Variants in ZFYVE9 observed in about 807,000 individuals in gnomAD.
ZFYVE9 encodes zinc finger FYVE domain-containing protein 9.
Under a neutral mutation model 126.7 loss-of-function variants are expected in ZFYVE9, and 43 were observed. That is an observed-to-expected ratio of 0.34 (90% CI 0.27 to 0.44). ZFYVE9 has a LOEUF of 0.44. ZFYVE9 is among the 20% of genes least tolerant of loss of function. ZFYVE9 has a pLI of 1.00. For synonymous variants in ZFYVE9, 521 were observed against 597.4 expected (o/e 0.87, Z 1.87); for missense variants, 1,476 against 1,697.0 (o/e 0.87, Z 2.29).
chr1:52,186,516 A>C (rs187564429), intron 1 of ZFYVE9, among the ~76,000 whole-genome samples: 1 of 152,266 alleles, frequency 6.6e-6, no homozygotes, highest in Non-Finnish European at 1.5e-5. Flanking sequence ...GGAAGAAAAG[A>C]AGTAAAACTA....
chr1:52,263,249 CGTTT>C (rs1020800694), intron 4 of ZFYVE9, among the ~76,000 whole-genome samples: 6 of 152,020 alleles, frequency 3.9e-5, no homozygotes, highest in Non-Finnish European at 5.9e-5. Context: ...TAAAGCAGTG[CGTTT>C]GTTTATGATT....
intron 18 of ZFYVE9, 47 bp downstream of exon 18, chr1:52,344,991 CTG>C (rs1646471409): frequency 6.3e-7 from 1 of 1,598,656 alleles, no homozygotes; most frequent in Non-Finnish European, 8.6e-7. Flanking sequence ...TGGGCAACGT[CTG>C]TATTTCTGAC....
chr1:52,325,302 T>G (rs1332815377), intron 13 of ZFYVE9, among the ~76,000 whole-genome samples: 1 of 152,128 alleles, frequency 6.6e-6, no homozygotes, highest in Non-Finnish European at 1.5e-5. Flanking sequence ...CACTCTAGCC[T>G]GGGCGACAGA....
At position 52,319,399 on chromosome 1, in the gene ZFYVE9, C is replaced by T. The variant is rs143105102; in HGVS notation, c.3439-13369C>T. Among the ~76,000 whole-genome samples the T allele has an allele frequency of 2.0e-5, 3 of 152,038 alleles. No homozygotes were observed. The East Asian group carries it at 5.8e-4, about 29-fold the overall frequency. On this transcript the variant is annotated intron_variant, in intron 13 of 18. Coordinates refer to ENST00000287727, the MANE Select transcript of ZFYVE9 (RefSeq NM_004799.4). The stretch of plus-strand genomic sequence containing the variant: ...TAACACTTTGGGAGCCCGATGTGGG[C>T]GGATCACATGAGGTCAGGAGTTTGA...
chr1:52,225,665 G>T (rs1160815963), intron 2 of ZFYVE9, among the ~76,000 whole-genome samples: 1 of 152,164 alleles, frequency 6.6e-6, no homozygotes, highest in Non-Finnish European at 1.5e-5. Context: ...AAACAGTTAG[G>T]CTTAACAGAA....
chr1:52,286,666 G>A (rs1645864116), intron 10 of ZFYVE9, among the ~76,000 whole-genome samples: 1 of 152,154 alleles, frequency 6.6e-6, no homozygotes, highest in Non-Finnish European at 1.5e-5. Context: ...AGACTTGAAT[G>A]AAATTGGACT....
At chr1:52,208,962 A>C (rs993151826) in intron 1 of ZFYVE9, among the ~76,000 whole-genome samples, 1 of 152,262 alleles carries the variant, frequency 6.6e-6, no homozygotes, top group African/African-American at 2.4e-5. Context: ...AAGTTCTTCG[A>C]AAGTAAATCC....
At chr1:52,273,344 G>A (rs1299443506) in intron 7 of ZFYVE9, among the ~76,000 whole-genome samples, 1 of 152,076 alleles carries the variant, frequency 6.6e-6, no homozygotes, top group African/African-American at 2.4e-5. Context: ...TCATGTTTAA[G>A]TTATAGAGAA....
At chr1:52,178,512 G>A (rs1255861853) in intron 1 of ZFYVE9, among the ~76,000 whole-genome samples, 1 of 151,732 alleles carries the variant, frequency 6.6e-6, no homozygotes, top group African/African-American at 2.4e-5. Flanking sequence ...TGTATTTTTA[G>A]TAGAGACAGG....
At chr1:52,176,068 C>G (rs1644625054) in intron 1 of ZFYVE9, among the ~76,000 whole-genome samples, 7 of 152,234 alleles carry the variant, frequency 4.6e-5, no homozygotes, top group Admixed American at 3.3e-4. Context: ...GGAGGAGAGA[C>G]ACGCTGCTTT....
chr1:52,268,707 T>C lies in ZFYVE9; in HGVS notation c.2625+75T>C, dbSNP rs907672447. 4 of 1,520,030 alleles carry C rather than the reference T, an allele frequency of 2.6e-6. No homozygotes were observed. The African/African-American group carries it at 5.5e-5, about 21-fold the overall frequency. The allele number at this position is 1,520,030 out of a possible 1,614,324, so 94.2% of individuals were successfully genotyped here. A position where few individuals can be genotyped will look rare whatever the true frequency, so the allele number is the denominator to read the frequency against. On this transcript the variant is annotated intron_variant, in intron 7 of 18. Coordinates refer to ENST00000287727, the MANE Select transcript of ZFYVE9 (RefSeq NM_004799.4). ...TTGTGCTGCCTCTGTTGAATTACTT[T>C]TGTGTGGAACTCTGTAGGTTTTGGA... is the stretch of plus-strand genomic sequence containing the variant.
intron 2 of ZFYVE9, among the ~76,000 whole-genome samples, chr1:52,225,069 C>T (rs1219651560): frequency 2.0e-5 from 3 of 152,176 alleles, no homozygotes; most frequent in Non-Finnish European, 2.9e-5. Flanking sequence ...CACCCAATGG[C>T]GTGTCTCACT....
At chr1:52,287,431 G>A (rs1474891645) in intron 10 of ZFYVE9, among the ~76,000 whole-genome samples, 1 of 152,072 alleles carries the variant, frequency 6.6e-6, no homozygotes, top group Non-Finnish European at 1.5e-5. Context: ...TTAAGAAAGT[G>A]TTTGGTGTTG....
intron 1 of ZFYVE9, among the ~76,000 whole-genome samples, chr1:52,197,228 T>C (rs1289827399): frequency 6.6e-6 from 1 of 152,168 alleles, no homozygotes; most frequent in African/African-American, 2.4e-5. Flanking sequence ...TAATGTTGAT[T>C]GTGAGCATTA....
chr1:52,228,928 C>CA (rs1645193488), intron 2 of ZFYVE9, among the ~76,000 whole-genome samples: 1 of 151,016 alleles, frequency 6.6e-6, no homozygotes, highest in African/African-American at 2.4e-5. Context: ...CTTGCTCTGT[C>CA]ACCTAGGCTA....
At chr1:52,182,955 T>TA (rs1183515463) in intron 1 of ZFYVE9, among the ~76,000 whole-genome samples, 1 of 151,926 alleles carries the variant, frequency 6.6e-6, no homozygotes, top group African/African-American at 2.4e-5. Flanking sequence ...GTGAATAAAT[T>TA]AAAAAAAATA....
intron 1 of ZFYVE9, among the ~76,000 whole-genome samples, chr1:52,158,602 A>G (rs1416983072): frequency 1.3e-5 from 2 of 152,134 alleles, no homozygotes; most frequent in East Asian, 3.9e-4. Context: ...TTGGCTGAGC[A>G]TTCAGCCACC....
intron 1 of ZFYVE9, among the ~76,000 whole-genome samples, chr1:52,155,514 G>A (rs1030981365): frequency 2.0e-5 from 3 of 152,282 alleles, no homozygotes; most frequent in East Asian, 1.9e-4. Context: ...GATTACAGGC[G>A]TGAGCCACCA....
At chr1:52,330,022 GATAACATAAC>G (rs55926257) in intron 13 of ZFYVE9, among the ~76,000 whole-genome samples, 36 of 151,214 alleles carry the variant, frequency 2.4e-4, no homozygotes, top group Admixed American at 5.3e-4. Flanking sequence ...TGTCAACCTG[GATAACATAAC>G]ATAACATAAC....
Sources: allele counts gnomAD v4.1 joint callset (sites outside exome capture counted in the v4.1 genomes callset), GRCh38; gene constraint gnomAD v4.1.1; transcripts MANE v1.5; gene names NCBI Gene and HGNC (gene_info 2026-07-23, HGNC 2026-07-21).